Variants in KIAA0825 observed in about 807,000 individuals in gnomAD.
The protein encoded by KIAA0825 is uncharacterized protein KIAA0825.
Under a neutral mutation model 147.6 loss-of-function variants are expected in KIAA0825, and 119 were observed. The observed-to-expected ratio is 0.81, with a 90% CI of 0.69 to 0.94. The LOEUF is 0.94. Among genes scored for constraint, KIAA0825 ranks in the 40% least tolerant of loss-of-function variants. The pLI is 0.00. For missense variants in KIAA0825, 1,381 were observed against 1,472.7 expected, an observed-to-expected ratio of 0.94 and a Z score of 1.02; for synonymous variants, 470 against 518.1, an observed-to-expected ratio of 0.91 and a Z score of 1.26.
intron 20 of KIAA0825, among the ~76,000 whole-genome samples, chr5:94,367,950 G>A (rs1272453157): frequency 6.6e-6 from 1 of 152,162 alleles, no homozygotes; most frequent in Non-Finnish European, 1.5e-5. Flanking sequence ...GGTAAATTGT[G>A]CTACATTAAT....
At chr5:94,325,533 C>T (rs1053020579) in intron 20 of KIAA0825, among the ~76,000 whole-genome samples, 1 of 151,842 alleles carries the variant, frequency 6.6e-6, no homozygotes, top group African/African-American at 2.4e-5. Context: ...TCAGCATGTG[C>T]ACATACATGT....
At chr5:94,256,403 T>C (rs895594904) in intron 20 of KIAA0825, among the ~76,000 whole-genome samples, 2 of 152,176 alleles carry the variant, frequency 1.3e-5, no homozygotes, top group South Asian at 2.1e-4. Flanking sequence ...CACTATCTTT[T>C]CTTGTATATG....
At chr5:94,571,853 T>C (rs1017444778) in intron 2 of KIAA0825, among the ~76,000 whole-genome samples, 2 of 152,180 alleles carry the variant, frequency 1.3e-5, no homozygotes, top group Non-Finnish European at 2.9e-5. Context: ...AGGATTATTA[T>C]AAAATAAAAA....
At chr5:94,337,961 G>A (rs1039500395) in intron 20 of KIAA0825, among the ~76,000 whole-genome samples, 4 of 152,190 alleles carry the variant, frequency 2.6e-5, no homozygotes, top group African/African-American at 9.6e-5. Context: ...ACGAGCTCCT[G>A]AAGTAATCTG....
At chr5:94,403,325 T>C (rs373638650) in intron 16 of KIAA0825, among the ~76,000 whole-genome samples, 2 of 152,218 alleles carry the variant, frequency 1.3e-5, no homozygotes, top group East Asian at 3.9e-4. Flanking sequence ...GAACACAAAA[T>C]ATCACAGAAA....
intron 20 of KIAA0825, among the ~76,000 whole-genome samples, chr5:94,211,120 TTGTC>T (rs1398295383): frequency 2.6e-5 from 4 of 152,204 alleles, no homozygotes; most frequent in African/African-American, 9.6e-5. Context: ...TTCCAACTCT[TTGTC>T]TGTTCTTTAG....
chr5:94,494,649 A>C (rs1764146517), intron 5 of KIAA0825, among the ~76,000 whole-genome samples: 1 of 152,170 alleles, frequency 6.6e-6, no homozygotes, highest in Non-Finnish European at 1.5e-5. Flanking sequence ...TTATTAATGA[A>C]AATATCTTCC....
At chr5:94,581,691 T>G (rs2152360254) in intron 2 of KIAA0825, among the ~76,000 whole-genome samples, 1 of 152,298 alleles carries the variant, frequency 6.6e-6, no homozygotes, top group Middle Eastern at 3.4e-3. Context: ...ATATCTATTA[T>G]TTAAAAAATA....
chr5:94,594,374 A>G (rs1784889440), intron 1 of KIAA0825: 4 of 758,992 alleles, frequency 5.3e-6, no homozygotes, highest in Admixed American at 1.8e-5. Flanking sequence ...ATAAAATGTT[A>G]GCAGAGGTAC....
At chr5:94,601,358 A>G (rs1381709522) in intron 1 of KIAA0825, among the ~76,000 whole-genome samples, 5 of 152,222 alleles carry the variant, frequency 3.3e-5, no homozygotes, top group African/African-American at 9.6e-5. Context: ...CTCTTAAAAA[A>G]GAAAACAGCA....
intron 16 of KIAA0825, among the ~76,000 whole-genome samples, chr5:94,402,686 A>T (rs1006321253): frequency 6.6e-6 from 1 of 151,360 alleles, no homozygotes; most frequent in Non-Finnish European, 1.5e-5. Context: ...TTAGAGTTAG[A>T]GAAAAAATAT....
intron 3 of KIAA0825, among the ~76,000 whole-genome samples, chr5:94,529,371 A>ATATATCTCATATATGTATATATCATATG (rs1561269227): frequency 3.8e-4 from 45 of 119,648 alleles, no homozygotes; most frequent in Non-Finnish European, 6.4e-4. Flanking sequence ...TCATATATGT[A>ATATATCTCATATATGTATATATCATATG]TATATCTCAT....
intron 13 of KIAA0825, among the ~76,000 whole-genome samples, chr5:94,448,502 G>T (rs1282283821): frequency 1.3e-5 from 2 of 151,630 alleles, no homozygotes; most frequent in African/African-American, 4.8e-5. Context: ...ATTTAATGTT[G>T]CTAAAAGCTG....
chr5:94,193,451 A>G (rs189459056), intron 20 of KIAA0825, among the ~76,000 whole-genome samples: 41 of 152,332 alleles, frequency 2.7e-4, no homozygotes, highest in Admixed American at 5.2e-4. Context: ...AGAGGGGTGA[A>G]GTAATTCAGC....
chr5:94,607,553 G>A (rs1787720728), intron 1 of KIAA0825, among the ~76,000 whole-genome samples: 1 of 152,100 alleles, frequency 6.6e-6, no homozygotes, highest in East Asian at 1.9e-4. Flanking sequence ...AGGTTGTAGT[G>A]AGCCAAGATC....
chr5:94,334,195 T>TA (rs1229137827), intron 20 of KIAA0825, among the ~76,000 whole-genome samples: 5 of 152,136 alleles, frequency 3.3e-5, no homozygotes, highest in Non-Finnish European at 7.4e-5. Flanking sequence ...ACATCAGGAA[T>TA]AAAAAAAGTT....
chr5:94,312,150 G>T (rs1426046910), intron 20 of KIAA0825, among the ~76,000 whole-genome samples: 1 of 151,592 alleles, frequency 6.6e-6, no homozygotes, highest in African/African-American at 2.4e-5. Context: ...GACTTCTCAA[G>T]TTCTTACACA....
chr5:94,380,643 T>G (rs192798020), intron 20 of KIAA0825, among the ~76,000 whole-genome samples: 1 of 152,132 alleles, frequency 6.6e-6, no homozygotes, highest in Non-Finnish European at 1.5e-5. Context: ...TCCCTTTAGA[T>G]GGGTGAAATA....
intron 20 of KIAA0825, among the ~76,000 whole-genome samples, chr5:94,215,046 A>T (rs1370282374): frequency 6.6e-6 from 1 of 152,194 alleles, no homozygotes; most frequent in African/African-American, 2.4e-5. Context: ...AAGTTTTTTT[A>T]AAGACAAGAG....
Sources: allele counts gnomAD v4.1 joint callset (sites outside exome capture counted in the v4.1 genomes callset), GRCh38; gene constraint gnomAD v4.1.1; transcripts MANE v1.5; gene names NCBI Gene and HGNC (gene_info 2026-07-23, HGNC 2026-07-21).